Variants in PREX1 observed in about 807,000 individuals in gnomAD.
PREX1 encodes the protein phosphatidylinositol-3,4,5-trisphosphate dependent Rac exchange factor 1, also known as phosphatidylinositol 3,4,5-trisphosphate-dependent Rac exchanger 1 protein.
PREX1 carries 41 observed loss-of-function variants against 198.3 expected under a neutral mutation model. The observed-to-expected ratio is 0.21, with a 90% confidence interval of 0.16 to 0.27. The LOEUF (loss-of-function observed/expected upper bound fraction) is 0.27. PREX1 is among the 10% of genes least tolerant of loss of function. The probability of loss-of-function intolerance (pLI) is 1.00; values close to 1 mark genes in which losing one functional copy is unlikely to be tolerated. For synonymous variants in PREX1, 843 were observed against 887.2 expected (o/e 0.95, Z 0.89); for missense variants, 1,620 against 2,200.7 (o/e 0.74, Z 5.28).
intron 9 of PREX1, 21 bp from the exon 10 acceptor site, chr20:48,688,825 C>A (rs757236196): frequency 6.2e-7 from 1 of 1,613,698 alleles, no homozygotes; most frequent in Non-Finnish European, 8.5e-7. Flanking sequence ...GCACGGTCAG[C>A]ACTGGAGAGA....
In PREX1 at chr20:48,627,842, T is replaced by C; in HGVS notation, c.4869+19A>G. On this transcript the variant is annotated intron_variant, in intron 38 of 39. Transcript: ENST00000371941. The stretch of plus-strand genomic sequence containing the variant: ...CTCAGCCCAGGGTGCTGGAGGACCC[T>C]GTGGCCAAGCGGCCTCACCTGCTTC... 2 of 1,607,200 alleles carry C rather than the reference T, an allele frequency of 1.2e-6. No individual in the cohort carries two copies. The highest frequency in any genetic ancestry group is 1.7e-6 in the Non-Finnish European group (2 of 1,176,826).
the PREX1 span, among the ~76,000 whole-genome samples, chr20:48,885,966 GT>G: frequency 1.3e-5 from 2 of 152,312 alleles, no homozygotes; most frequent in South Asian, 4.1e-4. Context: ...ATTGTTCTGT[GT>G]GATACCATAA....
chr20:48,804,156 C>T (rs1247383342), intron 1 of PREX1, among the ~76,000 whole-genome samples: 5 of 152,230 alleles, frequency 3.3e-5, no homozygotes, highest in Non-Finnish European at 5.9e-5. Flanking sequence ...CTGGATAGCT[C>T]GTCCTTCTTT....
chr20:48,858,985 T>C, the PREX1 span, among the ~76,000 whole-genome samples: 1 of 152,146 alleles, frequency 6.6e-6, no homozygotes, highest in Non-Finnish European at 1.5e-5. Context: ...AACCTCCAAC[T>C]CTTTGGCTCA....
Position 48,827,628 on chromosome 20 carries a change from C to A in PREX1, c.219+14G>T. On this transcript the variant is annotated intron_variant, in intron 1 of 39. Transcript: ENST00000371941. The surrounding 1 kb of genome is among the most constrained non-coding windows in gnomAD (Gnocchi z 4.1). Reference sequence around the variant, plus strand: ...GGAGGGAAAGCTGTCCCCAAGCTCCCGAGCGACACTCACCGACTGCAAGAA... The same window carrying A: ...GGAGGGAAAGCTGTCCCCAAGCTCCAGAGCGACACTCACCGACTGCAAGAA... 7.8e-7 allele frequency: 1 copy of A among 1,286,016 alleles called. No homozygotes were observed. The highest frequency in any genetic ancestry group is 2.8e-5 in the South Asian group (1 of 35,792). The allele number at this position is 1,286,016 out of a possible 1,614,324, so 79.7% of individuals were successfully genotyped here.
chr20:48,677,304 T>A (rs573740723), intron 13 of PREX1, among the ~76,000 whole-genome samples: 1 of 152,160 alleles, frequency 6.6e-6, no homozygotes, highest in South Asian at 2.1e-4. Flanking sequence ...GGGCCTGACA[T>A]CCCACGGGGC....
At chr20:48,717,037 T>G (rs1423720464) in intron 5 of PREX1, among the ~76,000 whole-genome samples, 1 of 152,064 alleles carries the variant, frequency 6.6e-6, no homozygotes, top group Non-Finnish European at 1.5e-5. Context: ...TAAGTTTAAT[T>G]AACAATGTCA....
At chr20:48,667,708 C>T (rs1304526050) in intron 14 of PREX1, among the ~76,000 whole-genome samples, 2 of 152,220 alleles carry the variant, frequency 1.3e-5, no homozygotes, top group African/African-American at 2.4e-5. Flanking sequence ...ACATCCAACC[C>T]GAAACGTGAA....
At chr20:48,629,696 T>TC in intron 36 of PREX1, 75 bp from the exon 37 acceptor site, 1 of 1,464,788 alleles carries the variant, frequency 6.8e-7, no homozygotes, top group African/African-American at 1.4e-5. Flanking sequence ...CTGGCCCTCC[T>TC]CCCCCACCAT....
At chr20:48,849,223 CCT>C in the PREX1 span, among the ~76,000 whole-genome samples, 4 of 152,044 alleles carry the variant, frequency 2.6e-5, no homozygotes, top group African/African-American at 9.7e-5. Context: ...TCAGAGTATT[CCT>C]CTGTTTTCTA....
At chr20:48,633,396 T>C (rs2089331548) in intron 33 of PREX1, among the ~76,000 whole-genome samples, 1 of 152,202 alleles carries the variant, frequency 6.6e-6, no homozygotes, top group Non-Finnish European at 1.5e-5. Context: ...GGTATACCCG[T>C]AGTAGTATAA....
intron 3 of PREX1, 94 bp from the exon 4 acceptor site, chr20:48,734,744 A>G: frequency 1.9e-6 from 2 of 1,060,594 alleles, no homozygotes. Context: ...GGGTAGGGGT[A>G]AGGACTACCC....
chr20:48,665,426 T>C (rs1365350805), intron 15 of PREX1, among the ~76,000 whole-genome samples: 2 of 130,120 alleles, frequency 1.5e-5, no homozygotes, highest in Admixed American at 7.7e-5. Context: ...ATTCTAATCC[T>C]GACTCCAGAC....
chr20:48,855,681 T>A, the PREX1 span, among the ~76,000 whole-genome samples: 4 of 152,156 alleles, frequency 2.6e-5, no homozygotes, highest in African/African-American at 9.7e-5. Flanking sequence ...GGTGGATCAC[T>A]TGAGGTCAGG....
rs573474243 is a variant in PREX1, at chr20:48,729,821, C to CA, written c.520-3431dup. ...TGTTCCCCAAAATGCCAGGCCCCCACAAAACCTCAAAATGCAACCTTATTT... is the reference window on the plus strand; with the variant it reads ...TGTTCCCCAAAATGCCAGGCCCCCACAAAAACCTCAAAATGCAACCTTATTT... On this transcript the variant is annotated intron_variant, in intron 4 of 39. Transcript: ENST00000371941. Among the ~76,000 whole-genome samples the CA allele has an allele frequency of 1.2e-4, 19 of 152,308 alleles. No individual in the cohort carries two copies. In the South Asian group the frequency reaches 2.1e-3, roughly 17 times the overall value.
intron 1 of PREX1, among the ~76,000 whole-genome samples, chr20:48,781,961 T>A (rs1332789327): frequency 2.6e-5 from 4 of 152,176 alleles, no homozygotes; most frequent in Non-Finnish European, 4.4e-5. Context: ...CCACAGATTT[T>A]AAATGACTTA....
intron 1 of PREX1, among the ~76,000 whole-genome samples, chr20:48,787,409 C>G (rs150433465): frequency 3.3e-5 from 5 of 151,980 alleles, no homozygotes; most frequent in Non-Finnish European, 7.4e-5. Flanking sequence ...AAGGCTGATT[C>G]CAAAACATCA....
the PREX1 span, among the ~76,000 whole-genome samples, chr20:48,836,962 G>A: frequency 1.4e-5 from 2 of 147,984 alleles, no homozygotes; most frequent in Admixed American, 6.7e-5. Context: ...GGGACACAGC[G>A]ACATAAAAAG....
rs2089821543 is a variant in PREX1 at position 48,691,968 on chromosome 20, C to T, written c.1036+704G>A. On this transcript the variant is annotated intron_variant, in intron 8 of 39. Coordinates refer to ENST00000371941, the MANE Select transcript of PREX1 (RefSeq NM_020820.4). This position sits in a 1 kb window ranked among gnomAD's most constrained non-coding sequence, Gnocchi z 5.0. ...GCACTGGTGAAATCATGGCTCACTGCAGCATCGAACTCCTGGGCTAAGATG... is the reference window on the plus strand; with the variant it reads ...GCACTGGTGAAATCATGGCTCACTGTAGCATCGAACTCCTGGGCTAAGATG... Among the ~76,000 whole-genome samples the T allele has an allele frequency of 6.6e-6, 1 of 152,220 alleles. No homozygotes were observed. The highest frequency in any genetic ancestry group is 2.4e-5 in the African/African-American group (1 of 41,454).
Sources: gnomAD v4.1 joint callset for allele counts (sites outside exome capture counted in the v4.1 genomes callset) on GRCh38, gnomAD v4.1.1 for gene constraint, Gnocchi (gnomAD v3.1) non-coding constraint, MANE v1.5 for transcripts, NCBI Gene and HGNC (gene_info 2026-07-23, HGNC 2026-07-21) for gene names.